ADAM18: variants seen among roughly 807,000 people sequenced by gnomAD.
ADAM18 encodes ADAM metallopeptidase domain 18.
A neutral mutation model predicts 94.4 loss-of-function variants in ADAM18; 117 were observed. The ratio of observed to expected loss-of-function variants is 1.24; its 90% CI spans 1.07 to 1.45. The LOEUF is 1.45. Ranked by LOEUF, ADAM18 falls within the 40% of genes most tolerant of loss-of-function variation. The pLI is 0.00. For missense variants in ADAM18, 936 were observed against 880.0 expected (o/e 1.06, Z -0.81); for synonymous variants, 327 against 291.6 (o/e 1.12, Z -1.24).
intron 16 of ADAM18, among the ~76,000 whole-genome samples, chr8:39,684,899 G>C (rs890871368): frequency 1.3e-5 from 2 of 152,150 alleles, no homozygotes; most frequent in Non-Finnish European, 2.9e-5. Flanking sequence ...GTATGAGGGA[G>C]CATTGTGAAA....
chr8:39,727,207 C>T (rs1822939214), intron 19 of ADAM18, among the ~76,000 whole-genome samples: 1 of 152,126 alleles, frequency 6.6e-6, no homozygotes, highest in Non-Finnish European at 1.5e-5. Context: ...GTATTCAAGT[C>T]CTTTTCCCCA....
chr8:39,622,044 A>G (rs571428882), intron 6 of ADAM18, among the ~76,000 whole-genome samples: 1 of 152,278 alleles, frequency 6.6e-6, no homozygotes, highest in Admixed American at 6.5e-5. Flanking sequence ...TACCTATGTA[A>G]CAGACCTGCA....
At chr8:39,681,755 A>G (rs1054364502) in intron 16 of ADAM18, among the ~76,000 whole-genome samples, 12 of 152,300 alleles carry the variant, frequency 7.9e-5, no homozygotes, top group African/African-American at 2.9e-4. Context: ...AGTTAGGAGT[A>G]TATTATTGAA....
chr8:39,710,703 A>G (rs1289641729), intron 18 of ADAM18, among the ~76,000 whole-genome samples: 2 of 152,138 alleles, frequency 1.3e-5, no homozygotes, highest in Non-Finnish European at 2.9e-5. Flanking sequence ...GGGAATTACT[A>G]TATTTGTTGG....
chr8:39,723,691 A>G (rs1822820766), intron 18 of ADAM18, 57 bp from the exon 19 acceptor site: 2 of 1,223,936 alleles, frequency 1.6e-6, no homozygotes, highest in African/African-American at 3.2e-5. Flanking sequence ...GAAAAAATAT[A>G]AATTTATTTA....
chr8:39,621,740 G>A (rs1243945989), intron 6 of ADAM18, among the ~76,000 whole-genome samples: 2 of 152,152 alleles, frequency 1.3e-5, no homozygotes, highest in African/African-American at 4.8e-5. Context: ...GGAATACTAT[G>A]CAGCCATACA....
chr8:39,586,719 TTCA>T (rs1193145228), intron 2 of ADAM18, among the ~76,000 whole-genome samples: 5 of 152,070 alleles, frequency 3.3e-5, no homozygotes, highest in Admixed American at 2.0e-4. Context: ...AGAGCAAGAC[TTCA>T]TCTCTTAAAA....
intron 2 of ADAM18, among the ~76,000 whole-genome samples, chr8:39,603,195 C>T (rs371829532): frequency 1.3e-5 from 2 of 152,126 alleles, no homozygotes; most frequent in East Asian, 1.9e-4. Context: ...TTTCTGGGCT[C>T]TTTTTTCTAT....
intron 16 of ADAM18, among the ~76,000 whole-genome samples, chr8:39,681,375 A>G (rs1037065815): frequency 6.6e-6 from 1 of 152,222 alleles, no homozygotes; most frequent in Non-Finnish European, 1.5e-5. Context: ...AGGTGAGACT[A>G]CAGTCCCAGA....
intron 6 of ADAM18, among the ~76,000 whole-genome samples, chr8:39,628,103 A>T (rs956003318): frequency 1.4e-4 from 21 of 152,104 alleles, no homozygotes; most frequent in African/African-American, 4.8e-4. Flanking sequence ...TTAAATATCA[A>T]TTTTAATAAT....
At chr8:39,683,000 C>T (rs1563305066) in intron 16 of ADAM18, among the ~76,000 whole-genome samples, 1 of 152,280 alleles carries the variant, frequency 6.6e-6, no homozygotes, top group African/African-American at 2.4e-5. Flanking sequence ...ACATTCCCTA[C>T]CAACCAAGTG....
At chr8:39,618,413 A>G (rs989712692) in intron 6 of ADAM18, among the ~76,000 whole-genome samples, 1 of 152,238 alleles carries the variant, frequency 6.6e-6, no homozygotes, top group Non-Finnish European at 1.5e-5. Flanking sequence ...ATTCTTTAAC[A>G]TAACATCTGT....
In ADAM18 at chr8:39,643,203, G is replaced by C. The variant is rs138845869; in HGVS notation, c.910-2135G>C. The stretch of plus-strand genomic sequence containing the variant: ...TTGGGATGAGATTGTGGGGTTTCTA[G>C]AGATAGTATCATGTTATCTGCAAAC... On this transcript the variant is annotated intron_variant, in intron 10 of 19. Transcript: ENST00000265707. 8.1e-4 allele frequency among the ~76,000 whole-genome samples: 123 copies of C among 152,204 alleles called. 1 individual carries two copies. The highest frequency in any genetic ancestry group is 2.6e-3 in the African/African-American group (108 of 41,548).
In ADAM18 at chr8:39,696,865, T is replaced by C. The variant is rs188597816; in HGVS notation, c.1902+4185T>C. On this transcript the variant is annotated intron_variant, in intron 17 of 19. Coordinates refer to ENST00000265707, the MANE Select transcript of ADAM18 (RefSeq NM_014237.3). ...CTACCTGAAGTGCCTTGGGATTCCA[T>C]ATGAACTTTGTGATGCATTTTTCAA... 6.9e-4 allele frequency among the ~76,000 whole-genome samples: 105 copies of C among 151,734 alleles called. 2 individuals are homozygous for C. The Middle Eastern group carries it at 0.014, about 20-fold the overall frequency.
intron 18 of ADAM18, among the ~76,000 whole-genome samples, chr8:39,712,077 ACAAGGGCAATAAATAG>A (rs1822424108): frequency 1.3e-5 from 2 of 150,132 alleles, no homozygotes; most frequent in Non-Finnish European, 3.0e-5. Context: ...GATAAGAAAA[ACAAGGGCAATAAATAG>A]CAAGGGCTAA....
chr8:39,723,894 G>A lies in ADAM18; in HGVS notation c.2164G>A (p.Ala722Thr), dbSNP rs372659771. 9 of 1,537,462 alleles carry A rather than the reference G, an allele frequency of 5.9e-6. No homozygotes were observed. In the African/African-American group the frequency reaches 1.1e-4, roughly 19 times the overall value. Residue 722 changes from alanine to threonine, a missense_variant, in exon 19 of 20, where the codon GCA becomes ACA. Coordinates refer to ENST00000265707, the MANE Select transcript of ADAM18 (RefSeq NM_014237.3). ...EISKSCNREN[A>T]EYNRNSSVVS... ...AAGTAAATCATGTAACAGAGAGAAT[G>A]CAGAGTATAATCGGTAAATATGATA...
intron 18 of ADAM18, among the ~76,000 whole-genome samples, chr8:39,717,282 G>A (rs918615129): frequency 9.8e-5 from 11 of 112,820 alleles, no homozygotes; most frequent in African/African-American, 3.7e-4. Context: ...TTCATATTGT[G>A]TATCTTGTAA....
At chr8:39,685,180 C>CCCAGA (rs1821576682) in intron 16 of ADAM18, 1 of 152,304 alleles carries the variant, frequency 6.6e-6, no homozygotes, top group African/African-American at 2.4e-5. Flanking sequence ...GTGAGGGCAT[C>CCCAGA]TGGGGCATCC....
chr8:39,637,492 TA>T, intron 8 of ADAM18, 44 bp from the exon 9 acceptor site: 1 of 1,495,540 alleles, frequency 6.7e-7, no homozygotes, highest in Non-Finnish European at 9.1e-7. Context: ...CTTTTAAATG[TA>T]ATAACTTGTT....
Sources: gnomAD v4.1 joint callset for allele counts (sites outside exome capture counted in the v4.1 genomes callset) on GRCh38, gnomAD v4.1.1 for gene constraint, MANE v1.5 for transcripts, NCBI Gene and HGNC (gene_info 2026-07-23, HGNC 2026-07-21) for gene names.